The following CTNND2 variants were observed in gnomAD, a reference collection of about 807,000 sequenced individuals.
CTNND2 encodes catenin delta-2.
A neutral mutation model predicts 144.4 loss-of-function variants in CTNND2; 22 were observed. That is an observed-to-expected ratio of 0.15 (90% CI 0.11 to 0.22). CTNND2 has a LOEUF of 0.22. Ranked by LOEUF, CTNND2 falls within the 10% of genes least tolerant of loss-of-function variation. The probability of loss-of-function intolerance (pLI) is 1.00; values close to 1 mark genes in which losing one functional copy is unlikely to be tolerated. For synonymous variants in CTNND2, 751 were observed against 695.6 expected (o/e 1.08, Z -1.25); for missense variants, 1,353 against 1,618.8 (o/e 0.84, Z 2.82).
rs765655737 is a variant in CTNND2, at chr5:11,385,039, G to A, written c.803C>T (p.Pro268Leu). 3.4e-6 allele frequency: 4 copies of A among 1,177,376 alleles called. No individual in the cohort carries two copies. Among genetic ancestry groups the A allele is most frequent in the Non-Finnish European group, 4.2e-6 (4 of 957,674 alleles). 72.9% of individuals were successfully genotyped at this position (1,177,376 alleles called of 1,614,324 possible). ...CGAACCGCCCTGGGGCGCGGCCAGC[G>A]GGGAGCCCCCGCGCGGCGGCGCGGG... ...TLPAPPRGGS[P>L]LAAPQGGSPT... Residue 268 changes from proline to leucine, a missense_variant, in exon 7 of 22, where the codon CCG becomes CTG. Around this residue, in one of 4 missense-constraint regions of CTNND2, gnomAD observed 708 missense variants for 706.4 expected, o/e 1.00. Transcript: ENST00000304623.
chr5:11,755,764 A>G (rs1450379141), intron 1 of CTNND2, among the ~76,000 whole-genome samples: 1 of 150,842 alleles, frequency 6.6e-6, no homozygotes, highest in Non-Finnish European at 1.5e-5. Flanking sequence ...TCTTGAAGTG[A>G]GCTTTTCAGC....
chr5:11,340,662 G>C (rs1395940869), intron 9 of CTNND2, among the ~76,000 whole-genome samples: 2 of 152,142 alleles, frequency 1.3e-5, no homozygotes, highest in African/African-American at 2.4e-5. Flanking sequence ...GAAAATTCCA[G>C]ATAAGATCAG....
At chr5:10,986,506 T>A (rs1038731984) in intron 20 of CTNND2, 7 of 403,722 alleles carry the variant, frequency 1.7e-5, no homozygotes, top group Middle Eastern at 1.5e-3. Context: ...TAGCTCAGCA[T>A]AATCAGTACA....
At chr5:11,284,089 C>T (rs568782209) in intron 9 of CTNND2, among the ~76,000 whole-genome samples, 27 of 152,252 alleles carry the variant, frequency 1.8e-4, no homozygotes, top group Non-Finnish European at 3.8e-4. Context: ...GGGCTTCACG[C>T]TCCTCTCTAT....
intron 2 of CTNND2, among the ~76,000 whole-genome samples, chr5:11,602,882 G>T (rs2126338977): frequency 6.7e-6 from 1 of 150,224 alleles, no homozygotes; most frequent in South Asian, 2.1e-4. Flanking sequence ...GAAGTATGAT[G>T]ATAGAATGAA....
At chr5:11,198,793 G>A (rs929076230) in intron 11 of CTNND2, among the ~76,000 whole-genome samples, 2 of 152,164 alleles carry the variant, frequency 1.3e-5, no homozygotes, top group African/African-American at 4.8e-5. Context: ...TAAAAGGGAG[G>A]GATGACAGCT....
chr5:11,133,347 T>G (rs778129320), intron 12 of CTNND2, among the ~76,000 whole-genome samples: 4 of 152,120 alleles, frequency 2.6e-5, no homozygotes, highest in Non-Finnish European at 4.4e-5. Context: ...TTCTTAAATT[T>G]CTTTTTTCTT....
intron 16 of CTNND2, among the ~76,000 whole-genome samples, chr5:11,028,706 C>A (rs1223496481): frequency 6.6e-6 from 1 of 152,132 alleles, no homozygotes; most frequent in South Asian, 2.1e-4. Context: ...TCAGAATGTA[C>A]ACTCTTTTTT....
chr5:11,730,278 G>A (rs1787306187), intron 2 of CTNND2, among the ~76,000 whole-genome samples: 2 of 151,982 alleles, frequency 1.3e-5, no homozygotes, highest in African/African-American at 4.8e-5. Flanking sequence ...ATATGTTGAT[G>A]GTTTTATTTT....
At chr5:11,720,376 T>G (rs1561729535) in intron 2 of CTNND2, among the ~76,000 whole-genome samples, 1 of 152,220 alleles carries the variant, frequency 6.6e-6, no homozygotes, top group Non-Finnish European at 1.5e-5. Flanking sequence ...GTTCCTCAAG[T>G]TTGTAACTGA....
At chr5:11,398,514 TTCA>T (rs1369846294) in intron 5 of CTNND2, among the ~76,000 whole-genome samples, 1 of 152,190 alleles carries the variant, frequency 6.6e-6, no homozygotes, top group Non-Finnish European at 1.5e-5. Context: ...AAGATAATTT[TTCA>T]TCAACATTTT....
intron 3 of CTNND2, among the ~76,000 whole-genome samples, chr5:11,461,424 C>T (rs1766209365): frequency 6.6e-6 from 1 of 152,110 alleles, no homozygotes; most frequent in African/African-American, 2.4e-5. Flanking sequence ...ACTATTTGCA[C>T]TAAGATGCAA....
intron 1 of CTNND2, among the ~76,000 whole-genome samples, chr5:11,740,653 C>T (rs1388425929): frequency 1.3e-5 from 2 of 152,098 alleles, no homozygotes; most frequent in Non-Finnish European, 2.9e-5. Flanking sequence ...GACTAAAACA[C>T]CAAAAGCAAT....
At chr5:11,221,752 T>C (rs753093889) in intron 10 of CTNND2, among the ~76,000 whole-genome samples, 4 of 152,174 alleles carry the variant, frequency 2.6e-5, no homozygotes, top group Non-Finnish European at 5.9e-5. Flanking sequence ...ACAAGGTGTG[T>C]CTTCCTTGGT....
chr5:11,862,793 A>G (rs896414530), intron 1 of CTNND2, among the ~76,000 whole-genome samples: 5 of 152,180 alleles, frequency 3.3e-5, no homozygotes, highest in Non-Finnish European at 5.9e-5. Context: ...GCCTCCTGAG[A>G]GTTCTCAAAC....
intron 2 of CTNND2, among the ~76,000 whole-genome samples, chr5:11,615,240 T>A (rs142395777): frequency 6.6e-6 from 1 of 152,200 alleles, no homozygotes; most frequent in East Asian, 1.9e-4. Context: ...TTACCTTTAA[T>A]GGCAAAAACC....
At chr5:10,999,841 T>A (rs1739740143) in intron 18 of CTNND2, among the ~76,000 whole-genome samples, 1 of 152,232 alleles carries the variant, frequency 6.6e-6, no homozygotes. Flanking sequence ...TCCACCACTT[T>A]CAGCCTCTGT....
chr5:11,862,559 A>G (rs1163123958), intron 1 of CTNND2, among the ~76,000 whole-genome samples: 1 of 152,218 alleles, frequency 6.6e-6, no homozygotes, highest in Non-Finnish European at 1.5e-5. Flanking sequence ...CATTAGTTCT[A>G]AAACAGACAT....
At chr5:11,159,967 G>A (rs1481041842) in intron 11 of CTNND2, among the ~76,000 whole-genome samples, 1 of 152,216 alleles carries the variant, frequency 6.6e-6, no homozygotes, top group African/African-American at 2.4e-5. Context: ...CAGAGGAACT[G>A]TGACATGATT....
Sources: allele counts gnomAD v4.1 joint callset (sites outside exome capture counted in the v4.1 genomes callset), GRCh38; gene constraint gnomAD v4.1.1; regional missense constraint gnomAD v4.1.1; transcripts MANE v1.5; gene names NCBI Gene and HGNC (gene_info 2026-07-23, HGNC 2026-07-21).